Variants in ATF7 observed in about 807,000 individuals in gnomAD.
ATF7 encodes the protein activating transcription factor 7.
Under a neutral mutation model 50.4 loss-of-function variants are expected in ATF7, and 10 were observed. The ratio of observed to expected loss-of-function variants is 0.20; its 90% CI spans 0.12 to 0.34. ATF7 has a LOEUF of 0.34. ATF7 is among the 10% of genes least tolerant of loss of function. The pLI, the probability that ATF7 is intolerant of heterozygous loss-of-function variation, is 1.00. For synonymous variants in ATF7, 201 were observed against 226.4 expected, an observed-to-expected ratio of 0.89 and a Z score of 1.01; for missense variants, 465 against 613.9, an observed-to-expected ratio of 0.76 and a Z score of 2.56.
Position 53,589,559 on chromosome 12 carries a change from A to T in ATF7, c.48+11394T>A, listed in dbSNP as rs141820732. 1.4e-4 allele frequency among the ~76,000 whole-genome samples: 21 copies of T among 152,272 alleles called. No individual in the cohort carries two copies. In the East Asian group the frequency reaches 3.9e-3, roughly 28 times the overall value. On this transcript the variant is annotated intron_variant, in intron 2 of 11. Coordinates refer to ENST00000420353, the MANE Select transcript of ATF7 (RefSeq NM_006856.3). Reference sequence around the variant, plus strand: ...GCACTAATTGATGTTAACCCTGACCACCATGCTAAGAACTTTCCCTAGGCT... The same window carrying T: ...GCACTAATTGATGTTAACCCTGACCTCCATGCTAAGAACTTTCCCTAGGCT...
intron 2 of ATF7, among the ~76,000 whole-genome samples, chr12:53,564,163 C>T (rs1941310455): frequency 6.6e-6 from 1 of 152,114 alleles, no homozygotes; most frequent in Admixed American, 6.5e-5. Context: ...TCACTTGAGG[C>T]TAGGCGTTTG....
intron 2 of ATF7, among the ~76,000 whole-genome samples, chr12:53,590,696 T>C (rs982613884): frequency 1.1e-4 from 17 of 152,216 alleles, no homozygotes; most frequent in Non-Finnish European, 1.5e-5. Context: ...TAGATAGAAC[T>C]TGGAGCTGTG....
intron 2 of ATF7, among the ~76,000 whole-genome samples, chr12:53,563,184 T>C (rs1460811490): frequency 6.6e-6 from 1 of 152,202 alleles, no homozygotes; most frequent in African/African-American, 2.4e-5. Context: ...CAATAGCTTT[T>C]TGAAAGCTTC....
chr12:53,516,752 C>A lies in ATF7; in HGVS notation c.*385G>T. ...ATGCTGGTAAGGAACAAAAAGGTAACAGCCACGGCTTAGTGGGAAGAGAGG... is the reference window on the plus strand; with the variant it reads ...ATGCTGGTAAGGAACAAAAAGGTAAAAGCCACGGCTTAGTGGGAAGAGAGG... On this transcript the variant is annotated 3_prime_UTR_variant, in exon 12 of 12. Transcript: ENST00000420353. 1 of 207,996 alleles carries A rather than the reference C, an allele frequency of 4.8e-6. No individual in the cohort carries two copies. The highest frequency in any genetic ancestry group is 1.0e-5 in the Non-Finnish European group (1 of 99,278). 12.9% of individuals were successfully genotyped at this position (207,996 alleles called of 1,614,324 possible).
At chr12:53,614,459 G>C (rs1174759638) in intron 1 of ATF7, among the ~76,000 whole-genome samples, 1 of 152,066 alleles carries the variant, frequency 6.6e-6, no homozygotes, top group East Asian at 1.9e-4. Flanking sequence ...CCAAAACACT[G>C]ATCTTTTAAA....
intron 1 of ATF7, among the ~76,000 whole-genome samples, chr12:53,622,386 CGAG>C (rs895141472): frequency 1.3e-5 from 2 of 151,598 alleles, no homozygotes; most frequent in Admixed American, 6.6e-5. Context: ...TTTGAGAGGC[CGAG>C]GAGGGCAGAT....
chr12:53,584,897 G>T (rs146083194), intron 2 of ATF7, among the ~76,000 whole-genome samples: 12 of 152,298 alleles, frequency 7.9e-5, no homozygotes, highest in African/African-American at 2.9e-4. Context: ...TGGGAAGTGA[G>T]GGATGAACAG....
intron 2 of ATF7, among the ~76,000 whole-genome samples, chr12:53,597,787 C>T (rs535869760): frequency 1.4e-4 from 20 of 142,714 alleles, no homozygotes; most frequent in African/African-American, 4.8e-4. Context: ...CCAGCTTGGG[C>T]GACAGAGTGG....
intron 2 of ATF7, among the ~76,000 whole-genome samples, chr12:53,592,464 G>A (rs988626022): frequency 1.3e-5 from 2 of 152,122 alleles, no homozygotes; most frequent in African/African-American, 2.4e-5. Flanking sequence ...CAATTTGTAT[G>A]TCAATTCTTC....
intron 2 of ATF7, among the ~76,000 whole-genome samples, chr12:53,580,553 A>G (rs544071189): frequency 1.3e-5 from 2 of 150,610 alleles, no homozygotes; most frequent in African/African-American, 2.4e-5. Context: ...AGTCCCAGCT[A>G]CTCAGAAGGC....
At chr12:53,589,248 T>A (rs1942848434) in intron 2 of ATF7, among the ~76,000 whole-genome samples, 1 of 152,218 alleles carries the variant, frequency 6.6e-6, no homozygotes, top group South Asian at 2.1e-4. Context: ...AAGTTAGTTC[T>A]CTGAGCCTTA....
intron 3 of ATF7, among the ~76,000 whole-genome samples, chr12:53,548,556 C>T (rs1250769150): frequency 6.6e-6 from 1 of 152,100 alleles, no homozygotes; most frequent in Non-Finnish European, 1.5e-5. Flanking sequence ...TGGCCTCTAA[C>T]TCCTGGGCTC....
At chr12:53,586,348 A>G (rs933072963) in intron 2 of ATF7, among the ~76,000 whole-genome samples, 6 of 152,148 alleles carry the variant, frequency 3.9e-5, no homozygotes, top group Non-Finnish European at 7.3e-5. Flanking sequence ...TAAAATGACA[A>G]ATGTCTGAAG....
At chr12:53,611,536 T>C (rs928608824) in intron 1 of ATF7, among the ~76,000 whole-genome samples, 1 of 152,176 alleles carries the variant, frequency 6.6e-6, no homozygotes, top group Non-Finnish European at 1.5e-5. Flanking sequence ...TGGGCAAAAT[T>C]CAGCCTATCA....
chr12:53,592,537 G>T (rs766036359), intron 2 of ATF7, among the ~76,000 whole-genome samples: 1 of 152,094 alleles, frequency 6.6e-6, no homozygotes, highest in Non-Finnish European at 1.5e-5. Flanking sequence ...ACATCCACAT[G>T]CTACGATTTA....
intron 2 of ATF7, among the ~76,000 whole-genome samples, chr12:53,575,159 G>A (rs1941987199): frequency 6.6e-6 from 1 of 151,916 alleles, no homozygotes; most frequent in African/African-American, 2.4e-5. Context: ...TGTAATCCCA[G>A]CACTTTGGGA....
chr12:53,544,613 T>A (rs1023853826), intron 3 of ATF7, among the ~76,000 whole-genome samples: 1 of 152,078 alleles, frequency 6.6e-6, no homozygotes, highest in Non-Finnish European at 1.5e-5. Flanking sequence ...GTGGGCATAG[T>A]GGCAGGTGCC....
chr12:53,567,247 T>C (rs1021201251), intron 2 of ATF7, among the ~76,000 whole-genome samples: 2 of 152,240 alleles, frequency 1.3e-5, no homozygotes, highest in Non-Finnish European at 2.9e-5. Flanking sequence ...AATTCTGTTT[T>C]CTTTTTCACA....
chr12:53,584,949 A>C (rs1256571070), intron 2 of ATF7, among the ~76,000 whole-genome samples: 1 of 152,086 alleles, frequency 6.6e-6, no homozygotes, highest in East Asian at 1.9e-4. Context: ...ACTATTCTGT[A>C]TGATACTACA....
Sources: allele counts gnomAD v4.1 joint callset (sites outside exome capture counted in the v4.1 genomes callset), GRCh38; gene constraint gnomAD v4.1.1; transcripts MANE v1.5; gene names NCBI Gene and HGNC (gene_info 2026-07-23, HGNC 2026-07-21).